The following SLC4A4 variants were observed in gnomAD, a reference collection of about 807,000 sequenced individuals.
The protein encoded by SLC4A4 is solute carrier family 4 member 4, also known as electrogenic sodium bicarbonate cotransporter 1.
SLC4A4 carries 27 observed loss-of-function variants against 111.5 expected under a neutral mutation model. That is an observed-to-expected ratio of 0.24 (90% CI 0.18 to 0.33). The LOEUF is 0.33. SLC4A4 is among the 10% of genes least tolerant of loss of function. SLC4A4 has a pLI of 1.00. For synonymous variants in SLC4A4, 443 were observed against 463.4 expected (o/e 0.96, Z 0.57); for missense variants, 909 against 1,315.5 (o/e 0.69, Z 4.78).
At chr4:71,177,256 A>G (rs1250228242) in intron 2 of SLC4A4, among the ~76,000 whole-genome samples, 2 of 152,220 alleles carry the variant, frequency 1.3e-5, no homozygotes, top group African/African-American at 4.8e-5. Flanking sequence ...GAGGCTAGGA[A>G]GAAACTGCAT....
intron 9 of SLC4A4, among the ~76,000 whole-genome samples, chr4:71,448,545 A>G (rs1300050724): frequency 2.0e-5 from 3 of 152,196 alleles, no homozygotes; most frequent in Non-Finnish European, 2.9e-5. Flanking sequence ...GGAATGATAC[A>G]CATCTAAAAA....
intron 12 of SLC4A4, among the ~76,000 whole-genome samples, chr4:71,460,694 A>G (rs1354583075): frequency 2.0e-5 from 3 of 152,088 alleles, no homozygotes; most frequent in Admixed American, 2.0e-4. Flanking sequence ...TCCTTCCCCA[A>G]TGTAGATGAA....
chr4:71,565,992 G>T (rs1303888170), intron 24 of SLC4A4, among the ~76,000 whole-genome samples: 1 of 151,782 alleles, frequency 6.6e-6, no homozygotes, highest in Non-Finnish European at 1.5e-5. Flanking sequence ...CATTACTTCT[G>T]TCATATTCTG....
Position 71,493,017 on chromosome 4 carries a change from C to T in SLC4A4, c.1975-4484C>T, listed in dbSNP as rs141053672. On this transcript the variant is annotated intron_variant, in intron 15 of 25. Coordinates refer to ENST00000264485, the MANE Select transcript of SLC4A4 (RefSeq NM_001098484.3). ...GTTGTTTTATTTATCTTTATTGTAC[C>T]TGTAAAGGTTACATTCGTTCATTCA... Among the ~76,000 whole-genome samples, 537 of 151,840 alleles carry T rather than the reference C, an allele frequency of 3.5e-3. 3 individuals are homozygous for T. The highest frequency in any genetic ancestry group is 0.013 in the African/African-American group (520 of 41,470).
chr4:71,332,105 C>A (rs1728051002), intron 3 of SLC4A4, among the ~76,000 whole-genome samples: 1 of 151,952 alleles, frequency 6.6e-6, no homozygotes, highest in Non-Finnish European at 1.5e-5. Flanking sequence ...TTTTGTTTAT[C>A]TTTTCAAACA....
At chr4:71,106,890 G>A (rs566923027) in intron 2 of SLC4A4, among the ~76,000 whole-genome samples, 15 of 148,580 alleles carry the variant, frequency 1.0e-4, no homozygotes, top group Middle Eastern at 3.2e-3. Context: ...AACCTGCACA[G>A]TGTGCACATG....
intron 8 of SLC4A4, among the ~76,000 whole-genome samples, chr4:71,443,291 C>G (rs952990413): frequency 2.0e-5 from 3 of 151,482 alleles, no homozygotes; most frequent in African/African-American, 4.9e-5. Flanking sequence ...GCTGGGATAA[C>G]AGGCACCTGC....
chr4:71,172,959 T>C (rs572534318), intron 2 of SLC4A4, among the ~76,000 whole-genome samples: 2 of 152,368 alleles, frequency 1.3e-5, no homozygotes, highest in South Asian at 4.1e-4. Flanking sequence ...TACTTTGTAG[T>C]ACTGTCTGTA....
intron 1 of SLC4A4, among the ~76,000 whole-genome samples, chr4:71,211,884 T>C (rs1718154211): frequency 6.6e-6 from 1 of 151,958 alleles, no homozygotes; most frequent in African/African-American, 2.4e-5. Context: ...GAACTTTGGC[T>C]CTTGCAGCGA....
chr4:71,235,340 T>G (rs933388680), intron 1 of SLC4A4, among the ~76,000 whole-genome samples: 1 of 152,214 alleles, frequency 6.6e-6, no homozygotes, highest in Non-Finnish European at 1.5e-5. Context: ...CCGCATAGAT[T>G]ATAACAAATA....
In SLC4A4 at chr4:71,534,207, T is replaced by C. The variant is rs372479765; in HGVS notation, c.2281-20T>C. On this transcript the variant is annotated intron_variant, in intron 17 of 25. Transcript: ENST00000264485. ...ATTAACCTGATAATTTTCTGAAAAA[T>C]GTCATCTGTCTTTTTCAAGCCAACA... 2 of 1,612,568 alleles carry C rather than the reference T, an allele frequency of 1.2e-6. No individual in the cohort carries two copies. Among genetic ancestry groups the C allele is most frequent in the African/African-American group, 1.3e-5 (1 of 74,836 alleles).
chr4:71,354,405 T>C (rs530113031), intron 5 of SLC4A4, among the ~76,000 whole-genome samples: 9 of 152,362 alleles, frequency 5.9e-5, no homozygotes, highest in Admixed American at 2.0e-4. Context: ...TGCATGTTCA[T>C]TTTTAAATAA....
At chr4:71,457,996 T>C (rs775123567) in intron 12 of SLC4A4, among the ~76,000 whole-genome samples, 2 of 152,184 alleles carry the variant, frequency 1.3e-5, no homozygotes, top group African/African-American at 2.4e-5. Flanking sequence ...TTTATTGTTA[T>C]ATTGTTATGT....
intron 3 of SLC4A4, among the ~76,000 whole-genome samples, chr4:71,321,382 G>C (rs2148867033): frequency 6.6e-6 from 1 of 152,068 alleles, no homozygotes; most frequent in African/African-American, 2.4e-5. Flanking sequence ...TTTATATTTA[G>C]ACTCTTGTCA....
intron 7 of SLC4A4, among the ~76,000 whole-genome samples, chr4:71,407,268 G>A (rs1720945517): frequency 6.6e-6 from 1 of 152,132 alleles, no homozygotes; most frequent in Admixed American, 6.5e-5. Context: ...GGGTCTTATG[G>A]TGACTGGATG....
intron 7 of SLC4A4, among the ~76,000 whole-genome samples, chr4:71,422,555 T>C (rs932657124): frequency 1.3e-5 from 2 of 152,168 alleles, no homozygotes; most frequent in African/African-American, 4.8e-5. Context: ...TTTAGACCAA[T>C]ATCCTTTATG....
intron 6 of SLC4A4, among the ~76,000 whole-genome samples, chr4:71,369,784 T>C (rs1357259425): frequency 6.6e-6 from 1 of 152,196 alleles, no homozygotes; most frequent in Non-Finnish European, 1.5e-5. Flanking sequence ...AAACTGAGTA[T>C]ATGTGATATA....
chr4:71,119,597 C>T (rs1287006122), intron 2 of SLC4A4, among the ~76,000 whole-genome samples: 1 of 152,088 alleles, frequency 6.6e-6, no homozygotes, highest in Non-Finnish European at 1.5e-5. Flanking sequence ...CTATGTTATC[C>T]AGGCTGCACA....
intron 7 of SLC4A4, among the ~76,000 whole-genome samples, chr4:71,417,213 C>A (rs1419908212): frequency 6.6e-6 from 1 of 152,156 alleles, no homozygotes; most frequent in African/African-American, 2.4e-5. Context: ...GGTTTCTTTT[C>A]TTAGGGTACT....
Sources: allele counts gnomAD v4.1 joint callset (sites outside exome capture counted in the v4.1 genomes callset), GRCh38; gene constraint gnomAD v4.1.1; transcripts MANE v1.5; gene names NCBI Gene and HGNC (gene_info 2026-07-23, HGNC 2026-07-21).